PLXNA2: variants seen among roughly 807,000 people sequenced by gnomAD.
PLXNA2 encodes plexin-A2.
PLXNA2 carries 91 observed loss-of-function variants against 193.5 expected under a neutral mutation model. That is an observed-to-expected ratio of 0.47 (90% CI 0.40 to 0.56). PLXNA2 has a LOEUF of 0.56. Among genes scored for constraint, PLXNA2 ranks in the 20% least tolerant of loss-of-function variants. The pLI, the probability that PLXNA2 is intolerant of heterozygous loss-of-function variation, is 0.00. For synonymous variants in PLXNA2, 997 were observed against 1,027.3 expected, an observed-to-expected ratio of 0.97 and a Z score of 0.56; for missense variants, 1,995 against 2,503.2, an observed-to-expected ratio of 0.80 and a Z score of 4.33.
intron 29 of PLXNA2, chr1:208,030,852 C>A (rs568407544): frequency 1.0e-6 from 1 of 985,436 alleles, no homozygotes; most frequent in Admixed American, 6.1e-5. Context: ...ACCTGAAAGC[C>A]AGTCCTTAGC....
chr1:208,131,569 A>T (rs1668154931), intron 4 of PLXNA2, among the ~76,000 whole-genome samples: 1 of 152,114 alleles, frequency 6.6e-6, no homozygotes, highest in South Asian at 2.1e-4. Flanking sequence ...GTCTGGCTGG[A>T]TAAGACTTAA....
At chr1:208,212,701 C>T (rs1329473611) in intron 2 of PLXNA2, among the ~76,000 whole-genome samples, 1 of 152,192 alleles carries the variant, frequency 6.6e-6, no homozygotes, top group Admixed American at 6.5e-5. Context: ...TAATATTTAC[C>T]AGCACACCAC....
At chr1:208,058,791 G>A (rs1665523721) in intron 13 of PLXNA2, among the ~76,000 whole-genome samples, 1 of 152,198 alleles carries the variant, frequency 6.6e-6, no homozygotes, top group South Asian at 2.1e-4. Flanking sequence ...GGTGTGGGGT[G>A]AGTGCAGTAC....
At chr1:208,059,427 G>A (rs2102347379) in intron 13 of PLXNA2, among the ~76,000 whole-genome samples, 1 of 152,324 alleles carries the variant, frequency 6.6e-6, no homozygotes, top group East Asian at 1.9e-4. Context: ...GTGGCTGGCA[G>A]GCATCACACA....
rs1245673923 is a variant in PLXNA2, at chr1:208,030,181, G to A, written c.5226-1139C>T. ...CTGGGAGAAGCTGCTGCAGCTGAGA[G>A]CTGACTCATCTCTTCTACCCTCCCC... On this transcript the variant is annotated intron_variant, in intron 29 of 31. Transcript: ENST00000367033. 3.0e-6 allele frequency: 3 copies of A among 985,456 alleles called. No individual in the cohort carries two copies. In the African/African-American group the frequency reaches 5.2e-5, roughly 17 times the overall value. 61.0% of individuals were successfully genotyped at this position (985,456 alleles called of 1,614,324 possible). A position where few individuals can be genotyped will look rare whatever the true frequency, so the allele number is the denominator to read the frequency against.
intron 1 of PLXNA2, among the ~76,000 whole-genome samples, chr1:208,241,891 C>T (rs982166287): frequency 6.9e-6 from 1 of 145,548 alleles, no homozygotes; most frequent in Non-Finnish European, 1.5e-5. Flanking sequence ...TGAAAAACAA[C>T]CTCGCTATGA....
chr1:208,108,583 G>C (rs1667350749), intron 4 of PLXNA2, among the ~76,000 whole-genome samples: 1 of 152,166 alleles, frequency 6.6e-6, no homozygotes, highest in Non-Finnish European at 1.5e-5. Context: ...GGCTCTTCTG[G>C]AGAAACGCCT....
chr1:208,086,495 A>C (rs1666524207), intron 9 of PLXNA2, among the ~76,000 whole-genome samples: 1 of 152,078 alleles, frequency 6.6e-6, no homozygotes, highest in Admixed American at 6.6e-5. Flanking sequence ...TTTACTACTG[A>C]CAATTTCTGA....
At position 208,224,152 on chromosome 1, in the gene PLXNA2, G is replaced by A. The variant is rs571057396; in HGVS notation, c.-80-6150C>T. On this transcript the variant is annotated intron_variant, in intron 1 of 31. Coordinates refer to ENST00000367033, the MANE Select transcript of PLXNA2 (RefSeq NM_025179.4). ...GCACAAGGTGAGCAAGAGGGCGAAC[G>A]CAAAAGCCCCGGGTAATGCCGACGG... Among the ~76,000 whole-genome samples the A allele has an allele frequency of 2.7e-3, 412 of 152,290 alleles. 1 individual carries two copies. The highest frequency in any genetic ancestry group is 5.8e-3 in the South Asian group (28 of 4,818).
intron 12 of PLXNA2, among the ~76,000 whole-genome samples, chr1:208,068,163 C>T (rs1490610162): frequency 6.6e-6 from 1 of 152,200 alleles, no homozygotes; most frequent in African/African-American, 2.4e-5. Context: ...GAAACTAATC[C>T]TTAGCACGCT....
intron 1 of PLXNA2, among the ~76,000 whole-genome samples, chr1:208,241,995 T>C (rs1488512759): frequency 6.6e-6 from 1 of 152,144 alleles, no homozygotes; most frequent in Non-Finnish European, 1.5e-5. Context: ...GGTAATTAGT[T>C]CAAATGGTGC....
At chr1:208,166,951 G>T (rs917791295) in intron 3 of PLXNA2, among the ~76,000 whole-genome samples, 4 of 152,118 alleles carry the variant, frequency 2.6e-5, no homozygotes, top group African/African-American at 9.7e-5. Context: ...CTGCAACTCC[G>T]CACCTGAGTC....
intron 28 of PLXNA2, 91 bp downstream of exon 28, chr1:208,033,228 G>T: frequency 8.1e-7 from 1 of 1,235,928 alleles, no homozygotes. Context: ...TCCTCTTGAA[G>T]GACACACTCC....
In PLXNA2 at chr1:208,236,814, C is replaced by A. The variant is rs539186584; in HGVS notation, c.-81+6829G>T. 1.2e-4 allele frequency among the ~76,000 whole-genome samples: 19 copies of A among 152,146 alleles called. No individual in the cohort carries two copies. Among genetic ancestry groups the A allele is most frequent in the Non-Finnish European group, 2.4e-4 (16 of 68,026 alleles). ...GGAGGGGGCAAGAACTCCTTCTCTTCGGAAATACAAGACTACACATACCCA... is the reference window on the plus strand; with the variant it reads ...GGAGGGGGCAAGAACTCCTTCTCTTAGGAAATACAAGACTACACATACCCA... On this transcript the variant is annotated intron_variant, in intron 1 of 31. Coordinates refer to ENST00000367033, the MANE Select transcript of PLXNA2 (RefSeq NM_025179.4). The surrounding 1 kb of genome is among the most constrained non-coding windows in gnomAD (Gnocchi z 4.4).
intron 3 of PLXNA2, among the ~76,000 whole-genome samples, chr1:208,145,376 C>T (rs1436469973): frequency 1.3e-5 from 2 of 152,356 alleles, no homozygotes; most frequent in African/African-American, 2.4e-5. Flanking sequence ...CAGAGCCAGG[C>T]CCCTCCCTCA....
intron 3 of PLXNA2, among the ~76,000 whole-genome samples, chr1:208,194,785 T>C (rs769820681): frequency 2.0e-5 from 3 of 152,196 alleles, no homozygotes; most frequent in Non-Finnish European, 4.4e-5. Flanking sequence ...GTTTCGTGTG[T>C]GTAGGAAGAA....
At chr1:208,100,279 A>G (rs566225855) in intron 5 of PLXNA2, among the ~76,000 whole-genome samples, 4 of 152,144 alleles carry the variant, frequency 2.6e-5, no homozygotes, top group Admixed American at 6.5e-5. Flanking sequence ...TGAGTTGGTT[A>G]GATTACTTGA....
At chr1:208,085,549 A>T (rs937236025) in intron 9 of PLXNA2, among the ~76,000 whole-genome samples, 2 of 152,230 alleles carry the variant, frequency 1.3e-5, no homozygotes, top group African/African-American at 4.8e-5. Flanking sequence ...ATTTCCTACA[A>T]GGTGTAGGAC....
At chr1:208,076,816 G>A (rs1010073095) in intron 12 of PLXNA2, among the ~76,000 whole-genome samples, 5 of 152,136 alleles carry the variant, frequency 3.3e-5, no homozygotes, top group Admixed American at 6.5e-5. Context: ...AATAAGGCAC[G>A]TTTATTAGAT....
Sources: gnomAD v4.1 joint callset for allele counts (sites outside exome capture counted in the v4.1 genomes callset) on GRCh38, gnomAD v4.1.1 for gene constraint, Gnocchi (gnomAD v3.1) non-coding constraint, MANE v1.5 for transcripts, NCBI Gene and HGNC (gene_info 2026-07-23, HGNC 2026-07-21) for gene names.